ATXN10: variants seen among roughly 807,000 people sequenced by gnomAD.
ATXN10 encodes the protein ataxin-10.
ATXN10 carries 28 observed loss-of-function variants against 52.9 expected under a neutral mutation model. That is an observed-to-expected ratio of 0.53 (90% CI 0.39 to 0.73). ATXN10 has a LOEUF of 0.73. ATXN10 is among the 30% of genes least tolerant of loss of function. The pLI is 0.00. For missense variants in ATXN10, 565 were observed against 577.0 expected (o/e 0.98, Z 0.21); for synonymous variants, 226 against 221.5 (o/e 1.02, Z -0.18).
intron 10 of ATXN10, among the ~76,000 whole-genome samples, chr22:45,838,466 C>T (rs1929237863): frequency 1.3e-5 from 2 of 152,216 alleles, no homozygotes; most frequent in South Asian, 4.1e-4. Flanking sequence ...AGGCTCATGC[C>T]TTCTATTTGT....
At chr22:45,717,676 TG>T (rs1332373671) in intron 5 of ATXN10, among the ~76,000 whole-genome samples, 1 of 152,200 alleles carries the variant, frequency 6.6e-6, no homozygotes, top group Non-Finnish European at 1.5e-5. Context: ...ATTGTATTTT[TG>T]TATTGTTAAG....
intron 10 of ATXN10, among the ~76,000 whole-genome samples, chr22:45,836,610 C>T (rs981338085): frequency 1.3e-5 from 2 of 152,166 alleles, no homozygotes; most frequent in Admixed American, 6.5e-5. Context: ...AATGAGGACT[C>T]CCCCCTGGGG....
Position 45,677,426 on chromosome 22 carries a change from C to G in ATXN10, c.116+5247C>G, listed in dbSNP as rs985213224. ...TTTTTCAGCTTCTATCAGTATAGCT[C>G]ATTTTTTCTCTTCAATCTGCTTAGA... On this transcript the variant is annotated intron_variant, in intron 1 of 11. Coordinates refer to ENST00000252934, the MANE Select transcript of ATXN10 (RefSeq NM_013236.4). The surrounding 1 kb of genome is among the most constrained non-coding windows in gnomAD (Gnocchi z 4.1). The G allele has an allele frequency of 4.7e-5, 7 of 149,406 alleles. No individual in the cohort carries two copies. Among genetic ancestry groups the G allele is most frequent in the Non-Finnish European group, 1.0e-4 (7 of 67,586 alleles). 9.3% of individuals were successfully genotyped at this position (149,406 alleles called of 1,614,324 possible). A position where few individuals can be genotyped will look rare whatever the true frequency, so the allele number is the denominator to read the frequency against.
intron 5 of ATXN10, among the ~76,000 whole-genome samples, chr22:45,704,994 A>G (rs1026333882): frequency 2.0e-5 from 3 of 152,194 alleles, no homozygotes; most frequent in African/African-American, 7.2e-5. Context: ...AGTCTATTTT[A>G]TCAAATATAT....
rs79101902 is a variant in ATXN10, at chr22:45,681,429, G to A, written c.117-8283G>A. ...GTCTTTAACCTCACCAGGACCTACA[G>A]TCTTTTGACCCTATTTCCTATTTAC... On this transcript the variant is annotated intron_variant, in intron 1 of 11. Transcript: ENST00000252934. The surrounding 1 kb of genome is among the most constrained non-coding windows in gnomAD (Gnocchi z 4.2). 3.0e-3 allele frequency among the ~76,000 whole-genome samples: 450 copies of A among 152,240 alleles called. 13 individuals carry two copies. In the East Asian group the frequency reaches 0.049, roughly 16 times the overall value.
At chr22:45,809,968 C>T (rs911107159) in intron 10 of ATXN10, among the ~76,000 whole-genome samples, 7 of 151,818 alleles carry the variant, frequency 4.6e-5, no homozygotes, top group Non-Finnish European at 8.8e-5. Flanking sequence ...GTTTTTTGCA[C>T]GTGTATCTTG....
In ATXN10 at chr22:45,672,264, G is replaced by A. The variant is rs2071872; in HGVS notation, c.116+85G>A. The A allele has an allele frequency of 0.16, 203,357 of 1,241,694 alleles. 17,600 individuals carry two copies. Among genetic ancestry groups the A allele is most frequent in the East Asian group, 0.28 (7,699 of 27,688 alleles). 76.9% of individuals were successfully genotyped at this position (1,241,694 alleles called of 1,614,324 possible). On this transcript the variant is annotated intron_variant, in intron 1 of 11. Transcript: ENST00000252934. ...CGGCCCCGGCCTGGACCCAGGCGCC[G>A]CCCCCGCCTCGCTGGAGACGCGGAG...
In ATXN10 at chr22:45,844,577, C is replaced by CT. The variant is rs1929449432; in HGVS notation, c.*907dup. ...GTTTATTTGACATCTAGTTATCTGT[C>CT]TGTCTGTTCATCTATCTATCTGTCT... On this transcript the variant is annotated 3_prime_UTR_variant, in exon 12 of 12. Coordinates refer to ENST00000252934, the MANE Select transcript of ATXN10 (RefSeq NM_013236.4). 1 of 152,188 alleles carries CT rather than the reference C, an allele frequency of 6.6e-6. No homozygotes were observed. Among genetic ancestry groups the CT allele is most frequent in the African/African-American group, 2.4e-5 (1 of 41,442 alleles). 9.4% of individuals were successfully genotyped at this position (152,188 alleles called of 1,614,324 possible).
chr22:45,761,401 T>C (rs80557), intron 9 of ATXN10, among the ~76,000 whole-genome samples: 119,320 of 152,204 alleles, frequency 0.78, 47,521 homozygotes, highest in African/African-American at 0.93. Flanking sequence ...CAGTGAGTGC[T>C]CTGTAAACTT....
At chr22:45,738,518 G>A (rs1925385965) in intron 7 of ATXN10, 1 of 529,232 alleles carries the variant, frequency 1.9e-6, no homozygotes. Context: ...TTGCATTCTT[G>A]ATGGCAGATG....
In ATXN10 at chr22:45,690,742, C is replaced by T. The variant is rs561684516; in HGVS notation, c.308+839C>T. Among the ~76,000 whole-genome samples, 44 of 152,332 alleles carry T rather than the reference C, an allele frequency of 2.9e-4. No homozygotes were observed. Among genetic ancestry groups the T allele is most frequent in the Middle Eastern group, 3.4e-3 (1 of 294 alleles). ...TTTTTAAAAGTAGTTAAAACATGAG[C>T]AGGCGAGCTGTCCAGTGCTCTTCTT... is the stretch of plus-strand genomic sequence containing the variant. On this transcript the variant is annotated intron_variant, in intron 2 of 11. Coordinates refer to ENST00000252934, the MANE Select transcript of ATXN10 (RefSeq NM_013236.4). This position sits in a 1 kb window ranked among gnomAD's most constrained non-coding sequence, Gnocchi z 4.5.
chr22:45,780,218 G>A lies in ATXN10; in HGVS notation c.1174-26741G>A, dbSNP rs1311360170. On this transcript the variant is annotated intron_variant, in intron 9 of 11. Transcript: ENST00000252934. This position sits in a 1 kb window ranked among gnomAD's most constrained non-coding sequence, Gnocchi z 4.0. ...CCTGCTTCAGCCTCCTGAGTAGCTG[G>A]GATTACAGGCGTGTGCCACCACGCC... is the stretch of plus-strand genomic sequence containing the variant. 6.6e-6 allele frequency among the ~76,000 whole-genome samples: 1 copy of A among 152,070 alleles called. No homozygotes were observed. The highest frequency in any genetic ancestry group is 1.5e-5 in the Non-Finnish European group (1 of 68,010).
intron 7 of ATXN10, among the ~76,000 whole-genome samples, chr22:45,737,952 C>T (rs1925364923): frequency 6.6e-6 from 1 of 152,050 alleles, no homozygotes; most frequent in Non-Finnish European, 1.5e-5. Flanking sequence ...ATCTTCTGGC[C>T]TCGGCCTCCC....
intron 3 of ATXN10, among the ~76,000 whole-genome samples, chr22:45,697,545 C>A (rs1923661282): frequency 6.6e-6 from 1 of 152,212 alleles, no homozygotes; most frequent in Admixed American, 6.5e-5. Context: ...GATCTACCTA[C>A]TCTGGATACT....
At chr22:45,685,529 A>C (rs1241565842) in intron 1 of ATXN10, among the ~76,000 whole-genome samples, 2 of 152,192 alleles carry the variant, frequency 1.3e-5, no homozygotes, top group Non-Finnish European at 2.9e-5. Flanking sequence ...GTAATATTGG[A>C]GTGATTGATC....
At position 45,843,148 on chromosome 22, in the gene ATXN10, C is replaced by A. The variant is rs1285018890; in HGVS notation, c.1395C>A (p.Ile465=). The change falls in exon 11 of 12, where the codon ATC becomes ATA. Residue 465 remains isoleucine, a synonymous_variant. Coordinates refer to ENST00000252934, the MANE Select transcript of ATXN10 (RefSeq NM_013236.4). The surrounding 1 kb of genome is among the most constrained non-coding windows in gnomAD (Gnocchi z 4.5). ...TTGAAAAGAAAGGCGAAAAGCTGAT[C>A]CTGAAATCTACTAGAGACACCCCTA... ...FEVEKKGEKL[I]LKSTRDTPKP is the part of the protein sequence containing the mutation. 1.9e-6 allele frequency: 3 copies of A among 1,613,916 alleles called. No individual in the cohort carries two copies. Among genetic ancestry groups the A allele is most frequent in the Non-Finnish European group, 2.5e-6 (3 of 1,179,936 alleles).
At chr22:45,777,118 T>A (rs1926986422) in intron 9 of ATXN10, among the ~76,000 whole-genome samples, 1 of 152,236 alleles carries the variant, frequency 6.6e-6, no homozygotes, top group Non-Finnish European at 1.5e-5. Context: ...CTGTTCAAAC[T>A]TTGCCATGTT....
Position 45,822,023 on chromosome 22 carries a change from G to C in ATXN10, c.1237+15001G>C, listed in dbSNP as rs1001456976. Among the ~76,000 whole-genome samples the C allele has an allele frequency of 1.3e-4, 20 of 152,294 alleles. 2 individuals are homozygous for C. The highest frequency in any genetic ancestry group is 1.0e-3 in the Admixed American group (16 of 15,302). On this transcript the variant is annotated intron_variant, in intron 10 of 11. Transcript: ENST00000252934. The stretch of plus-strand genomic sequence containing the variant: ...CTGCTCTTCCCCATCATCAGCTCCA[G>C]AGTGTGTCTAAACCATGTCTGGTAG...
rs1925127485 is a variant in ATXN10, at chr22:45,732,516, TG to T, written c.894+2928del. 2.0e-5 allele frequency among the ~76,000 whole-genome samples: 3 copies of T among 152,124 alleles called. No homozygotes were observed. In the South Asian group the frequency reaches 6.2e-4, roughly 32 times the overall value. On this transcript the variant is annotated intron_variant, in intron 7 of 11. Coordinates refer to ENST00000252934, the MANE Select transcript of ATXN10 (RefSeq NM_013236.4). The surrounding 1 kb of genome is among the most constrained non-coding windows in gnomAD (Gnocchi z 4.5). The stretch of plus-strand genomic sequence containing the variant: ...TTGCAAAGCCAAATTAATTTACTTT[TG>T]GAAGTTTATTGAGCTATACATTTAT...
Sources: allele counts gnomAD v4.1 joint callset (sites outside exome capture counted in the v4.1 genomes callset), GRCh38; gene constraint gnomAD v4.1.1; non-coding constraint Gnocchi (gnomAD v3.1); transcripts MANE v1.5; gene names NCBI Gene and HGNC (gene_info 2026-07-23, HGNC 2026-07-21).